The following ASIC2 variants were observed in gnomAD, a reference collection of about 807,000 sequenced individuals.
ASIC2 encodes the protein acid-sensing ion channel 2.
Under a neutral mutation model 57.3 loss-of-function variants are expected in ASIC2, and 25 were observed. The ratio of observed to expected loss-of-function variants is 0.44; its 90% CI spans 0.32 to 0.61. The LOEUF (loss-of-function observed/expected upper bound fraction) is 0.61. Ranked by LOEUF, ASIC2 falls within the 20% of genes least tolerant of loss-of-function variation. The pLI is 0.06. For synonymous variants in ASIC2, 319 were observed against 307.5 expected (o/e 1.04, Z -0.39); for missense variants, 641 against 738.1 (o/e 0.87, Z 1.52).
chr17:33,168,574 C>T (rs1372714054), intron 1 of ASIC2, among the ~76,000 whole-genome samples: 1 of 152,118 alleles, frequency 6.6e-6, no homozygotes, highest in Non-Finnish European at 1.5e-5. Context: ...GAGGAAAGAC[C>T]AATCTTGTTA....
chr17:33,935,452 A>G (rs761987252), intron 1 of ASIC2: 4 of 152,236 alleles, frequency 2.6e-5, no homozygotes, highest in Non-Finnish European at 5.9e-5. Flanking sequence ...TTAATAAACA[A>G]TGCTATTATT....
chr17:34,155,317 C>T (rs1432301405), intron 1 of ASIC2, among the ~76,000 whole-genome samples: 1 of 152,290 alleles, frequency 6.6e-6, no homozygotes, highest in Admixed American at 6.5e-5. Flanking sequence ...CATCTCTTGG[C>T]TTCAACCTGC....
chr17:34,109,314 T>C (rs574316245), intron 1 of ASIC2, among the ~76,000 whole-genome samples: 1 of 152,324 alleles, frequency 6.6e-6, no homozygotes, highest in African/African-American at 2.4e-5. Context: ...GGCAGGAATA[T>C]ACCAAAATCT....
At position 33,593,418 on chromosome 17, in the gene ASIC2, T is replaced by C. The variant is rs567338753; in HGVS notation, c.556-481351A>G. 3.3e-4 allele frequency among the ~76,000 whole-genome samples: 50 copies of C among 152,100 alleles called. 1 individual carries two copies. The highest frequency in any genetic ancestry group is 9.8e-4 in the Admixed American group (15 of 15,276). On this transcript the variant is annotated intron_variant, in intron 1 of 9. Transcript: ENST00000359872. ...TCTTCAAGGGCTCGCCCATCACTGA[T>C]GTTTTGTGCTTTTGTAAAGAGCCTC...
At chr17:33,692,888 A>G (rs1908417048) in intron 1 of ASIC2, among the ~76,000 whole-genome samples, 1 of 152,248 alleles carries the variant, frequency 6.6e-6, no homozygotes, top group African/African-American at 2.4e-5. Flanking sequence ...TTGTTGACCT[A>G]AATATCATTA....
chr17:33,627,319 A>G (rs984828672), intron 1 of ASIC2: 1 of 152,212 alleles, frequency 6.6e-6, no homozygotes, highest in Non-Finnish European at 1.5e-5. Context: ...TGATATCCCA[A>G]ATCCAGTGCT....
chr17:34,067,956 T>G (rs374672328), intron 1 of ASIC2, among the ~76,000 whole-genome samples: 21 of 152,252 alleles, frequency 1.4e-4, no homozygotes, highest in African/African-American at 4.6e-4. Flanking sequence ...CTGCTGGGTT[T>G]ATCTGAAGAC....
rs539794726 is a variant in ASIC2, at chr17:34,019,576, T to C, written c.555+136402A>G. Among the ~76,000 whole-genome samples, 4 of 152,346 alleles carry C rather than the reference T, an allele frequency of 2.6e-5. No individual in the cohort carries two copies. In the East Asian group the frequency reaches 5.8e-4, roughly 22 times the overall value. On this transcript the variant is annotated intron_variant, in intron 1 of 9. Coordinates refer to the ASIC2 transcript ENST00000359872. ...AACTGGATGAAGGTTCAGATGATCA[T>C]TAACATTTTTTAGCAATGAAGTATT...
intron 1 of ASIC2, among the ~76,000 whole-genome samples, chr17:33,257,375 A>T (rs1382997271): frequency 1.3e-5 from 2 of 152,184 alleles, no homozygotes; most frequent in Non-Finnish European, 2.9e-5. Flanking sequence ...CTCTCAATCA[A>T]GCAATATTTT....
At chr17:33,252,704 C>A (rs1908927553) in intron 1 of ASIC2, among the ~76,000 whole-genome samples, 1 of 152,036 alleles carries the variant, frequency 6.6e-6, no homozygotes, top group South Asian at 2.1e-4. Context: ...GACTCTATTT[C>A]TTGGCAATTC....
chr17:33,636,749 C>A (rs1234365611), intron 1 of ASIC2, among the ~76,000 whole-genome samples: 3 of 152,114 alleles, frequency 2.0e-5, no homozygotes, highest in African/African-American at 4.8e-5. Flanking sequence ...CAGACACACA[C>A]CAATATGAGC....
intron 3 of ASIC2, among the ~76,000 whole-genome samples, chr17:33,074,532 G>A (rs9901110): frequency 0.031 from 4,752 of 152,208 alleles, 233 homozygotes; most frequent in African/African-American, 0.1. Context: ...AAGGCCTTTG[G>A]GTTCCATGTC....
chr17:33,962,935 C>T (rs1281369822), intron 1 of ASIC2, among the ~76,000 whole-genome samples: 1 of 152,176 alleles, frequency 6.6e-6, no homozygotes, highest in Non-Finnish European at 1.5e-5. Context: ...CCCCTTCCTT[C>T]CTAAGTTCTT....
At chr17:33,432,102 T>C (rs533987713) in intron 1 of ASIC2, among the ~76,000 whole-genome samples, 69 of 152,194 alleles carry the variant, frequency 4.5e-4, no homozygotes, top group Non-Finnish European at 8.7e-4. Context: ...CAACATGAGG[T>C]TGAGCTGCGT....
At chr17:33,142,017 G>A (rs1243203469) in intron 1 of ASIC2, among the ~76,000 whole-genome samples, 1 of 152,206 alleles carries the variant, frequency 6.6e-6, no homozygotes, top group East Asian at 1.9e-4. Flanking sequence ...ATATTTATGT[G>A]TGTAAGATTA....
intron 1 of ASIC2, among the ~76,000 whole-genome samples, chr17:33,637,794 G>A (rs1906419259): frequency 6.6e-6 from 1 of 152,230 alleles, no homozygotes; most frequent in African/African-American, 2.4e-5. Context: ...TGGTATTACA[G>A]TAAAGAAAGA....
At chr17:34,021,837 G>GTTTTTTTTTTTTTTTTTTT (rs11394863) in intron 1 of ASIC2, among the ~76,000 whole-genome samples, 6 of 118,340 alleles carry the variant, frequency 5.1e-5, no homozygotes, top group Middle Eastern at 4.4e-3. Context: ...GTTTTGTTTT[G>GTTTTTTTTTTTTTTTTTTT]TTTTTTTTTT....
intron 1 of ASIC2, among the ~76,000 whole-genome samples, chr17:33,857,863 A>T (rs1431451898): frequency 6.6e-6 from 1 of 152,230 alleles, no homozygotes; most frequent in Non-Finnish European, 1.5e-5. Flanking sequence ...ATCAGGGGAA[A>T]AGCTACAAAT....
chr17:33,391,640 T>A (rs1399035274), intron 1 of ASIC2, among the ~76,000 whole-genome samples: 3 of 152,142 alleles, frequency 2.0e-5, no homozygotes, highest in Non-Finnish European at 4.4e-5. Flanking sequence ...ATTCCCCCAA[T>A]ATCTAAGTGC....
Sources: allele counts gnomAD v4.1 joint callset (sites outside exome capture counted in the v4.1 genomes callset), GRCh38; gene constraint gnomAD v4.1.1; transcripts MANE v1.5; gene names NCBI Gene and HGNC (gene_info 2026-07-23, HGNC 2026-07-21).